The following ATP6V1B1 variants were observed in gnomAD, a reference collection of about 807,000 sequenced individuals.
ATP6V1B1 encodes the protein V-type proton ATPase subunit B, kidney isoform.
Under a neutral mutation model 62.1 loss-of-function variants are expected in ATP6V1B1, and 41 were observed. That is an observed-to-expected ratio of 0.66 (90% CI 0.51 to 0.86). ATP6V1B1 has a LOEUF of 0.86. Among genes scored for constraint, ATP6V1B1 ranks in the 40% least tolerant of loss-of-function variants. The pLI is 0.00. For missense variants in ATP6V1B1, 651 were observed against 697.5 expected (o/e 0.93, Z 0.75); for synonymous variants, 253 against 273.4 (o/e 0.93, Z 0.74).
intron 8 of ATP6V1B1, chr2:70,961,953 A>C: frequency 1.8e-6 from 1 of 545,284 alleles, no homozygotes; most frequent in Non-Finnish European, 3.3e-6. Context: ...CCACCATTCC[A>C]ACTCAGGGCT....
At chr2:70,945,913 T>C (rs1553417270) in intron 2 of ATP6V1B1, among the ~76,000 whole-genome samples, 1 of 151,476 alleles carries the variant, frequency 6.6e-6, no homozygotes, top group Non-Finnish European at 1.5e-5. Context: ...CCTGGATGCC[T>C]CTCCCTCTTC....
chr2:70,945,697 A>AAGAG (rs1230050317), intron 2 of ATP6V1B1, among the ~76,000 whole-genome samples: 42 of 38,312 alleles, frequency 1.1e-3, no homozygotes, highest in African/African-American at 3.8e-3. Flanking sequence ...TGGCTATTTG[A>AAGAG]AGAGATATAT....
intron 4 of ATP6V1B1, 101 bp downstream of exon 4, chr2:70,958,527 A>T (rs1553419489): frequency 8.8e-7 from 1 of 1,136,794 alleles, no homozygotes; most frequent in African/African-American, 1.5e-5. Flanking sequence ...CTTCCTGTTT[A>T]CTTCCTGCCT....
At chr2:70,946,893 A>G (rs1191653125) in intron 2 of ATP6V1B1, among the ~76,000 whole-genome samples, 1 of 152,178 alleles carries the variant, frequency 6.6e-6, no homozygotes, top group Admixed American at 6.5e-5. Flanking sequence ...TGGTTTTGCG[A>G]CTATCGGATG....
intron 2 of ATP6V1B1, among the ~76,000 whole-genome samples, chr2:70,944,918 C>G (rs1299622747): frequency 6.6e-6 from 1 of 152,138 alleles, no homozygotes; most frequent in African/African-American, 2.4e-5. Flanking sequence ...CCGCCCGCCT[C>G]GGCCTCCCAA....
rs963949766 is a variant in ATP6V1B1, at chr2:70,958,125, G to A, written c.254G>A (p.Gly85Asp). 1 of 1,614,120 alleles carries A rather than the reference G, an allele frequency of 6.2e-7. No homozygotes were observed. Among genetic ancestry groups the A allele is most frequent in the Admixed American group, 1.7e-5 (1 of 60,022 alleles). Residue 85 changes from glycine (G) to aspartate (D), a missense_variant, in exon 3 of 14, where the codon GGC (glycine) becomes GAC (aspartate). Gly to Asp is a moderately conservative substitution (Grantham distance 94). Transcript: ENST00000234396. ...AGCGGGCAGGTGCTTGAGGTGGCTG[G>A]CACCAAGGCGATTGTTCAGGTGAGT... Reference protein sequence around the residue: ...QRSGQVLEVAGTKAIVQVFEG... With the variant: ...QRSGQVLEVADTKAIVQVFEG...
At chr2:70,957,249 C>G (rs1680460006) in intron 2 of ATP6V1B1, among the ~76,000 whole-genome samples, 1 of 36,854 alleles carries the variant, frequency 2.7e-5, no homozygotes, top group Admixed American at 4.3e-4. Flanking sequence ...CCACACCTGG[C>G]AATATATATA....
intron 2 of ATP6V1B1, among the ~76,000 whole-genome samples, chr2:70,950,728 T>A (rs1213841544): frequency 6.6e-6 from 1 of 152,160 alleles, no homozygotes; most frequent in Non-Finnish European, 1.5e-5. Context: ...TATAATATAA[T>A]CTGCAAATAA....
At chr2:70,941,780 C>G in intron 1 of ATP6V1B1, 3 of 985,710 alleles carry the variant, frequency 3.0e-6, no homozygotes, top group Non-Finnish European at 3.6e-6. Context: ...CCAGGCCAAA[C>G]CTCGAAGTCC....
At chr2:70,941,649 C>T in intron 1 of ATP6V1B1, 2 of 907,218 alleles carry the variant, frequency 2.2e-6, no homozygotes, top group South Asian at 5.0e-5. Context: ...TCATTTGTCA[C>T]TTTCATTTGC....
At chr2:70,962,214 A>G (rs1680602981) in intron 8 of ATP6V1B1, among the ~76,000 whole-genome samples, 1 of 152,138 alleles carries the variant, frequency 6.6e-6, no homozygotes, top group Admixed American at 6.5e-5. Flanking sequence ...GAGGTACGGT[A>G]TTCAGGAGCA....
At chr2:70,961,782 C>T in intron 8 of ATP6V1B1, 89 bp downstream of exon 8, 1 of 1,258,040 alleles carries the variant, frequency 7.9e-7, no homozygotes, top group South Asian at 1.2e-5. Flanking sequence ...CAGGGCATCC[C>T]AGAACTACAG....
At chr2:70,944,672 T>TC (rs1306289544) in intron 2 of ATP6V1B1, among the ~76,000 whole-genome samples, 2 of 147,978 alleles carry the variant, frequency 1.4e-5, no homozygotes, top group South Asian at 2.2e-4. Flanking sequence ...TCTTTTCTTT[T>TC]TTTTTTTTTT....
intron 2 of ATP6V1B1, among the ~76,000 whole-genome samples, chr2:70,952,412 G>A (rs1400101963): frequency 3.3e-5 from 5 of 151,108 alleles, no homozygotes; most frequent in Non-Finnish European, 1.5e-5. Flanking sequence ...GCAGTGAGCC[G>A]AGATCTCGCC....
intron 2 of ATP6V1B1, among the ~76,000 whole-genome samples, chr2:70,945,721 T>TATATAC (rs1680150379): frequency 7.4e-6 from 1 of 134,450 alleles, no homozygotes; most frequent in African/African-American, 2.8e-5. Flanking sequence ...TATATATATA[T>TATATAC]ATATATATAT....
chr2:70,964,870 GGCGCGTC>G lies in ATP6V1B1; in HGVS notation c.1378+8_1378+14del. On this transcript the variant is annotated splice_donor_region_variant and intron_variant, in intron 13 of 13. Transcript: ENST00000234396. ...AGAAGAACTTCATCAATCAGGGTAA[GGCGCGTC>G]GCTGGTGTGGAGCCAGTAACCTCTT... The G allele has an allele frequency of 6.2e-7, 1 of 1,614,076 alleles. No individual in the cohort carries two copies. The highest frequency in any genetic ancestry group is 8.5e-7 in the Non-Finnish European group (1 of 1,180,026).
At chr2:70,938,031 T>C (rs1679900331) in intron 1 of ATP6V1B1, among the ~76,000 whole-genome samples, 1 of 152,060 alleles carries the variant, frequency 6.6e-6, no homozygotes, top group African/African-American at 2.4e-5. Context: ...AGAGCAAAGG[T>C]CAGTGCAGGG....
chr2:70,963,081 G>A lies in ATP6V1B1; in HGVS notation c.910-81G>A, dbSNP rs1680629141. On this transcript the variant is annotated intron_variant, in intron 9 of 13. Coordinates refer to ENST00000234396, the MANE Select transcript of ATP6V1B1 (RefSeq NM_001692.4). This position sits in a 1 kb window ranked among gnomAD's most constrained non-coding sequence, Gnocchi z 4.3. ...CCTGCCCCCCACTCCATTTCTCACA[G>A]GGTCACTGAACCTCCCACCCACCCT... The A allele has an allele frequency of 1.2e-6, 2 of 1,606,808 alleles. No homozygotes were observed. Among genetic ancestry groups the A allele is most frequent in the African/African-American group, 1.3e-5 (1 of 74,812 alleles).
In ATP6V1B1 at chr2:70,965,100, C is replaced by T. The variant is rs2104834984; in HGVS notation, c.1521C>T (p.Leu507=). 6.2e-7 allele frequency: 1 copy of T among 1,611,760 alleles called. No homozygotes were observed. The change falls in exon 14 of 14, where the codon CTC becomes CTT. Residue 507 remains leucine (L), a synonymous_variant. Transcript: ENST00000234396. ...FYSREGALQD[L]APDTAL ...CCCGCGAGGGGGCGCTGCAGGACCTCGCGCCTGACACTGCGCTCTAGCCCC... is the reference window on the plus strand; with the variant it reads ...CCCGCGAGGGGGCGCTGCAGGACCTTGCGCCTGACACTGCGCTCTAGCCCC...
Sources: gnomAD v4.1 joint callset for allele counts (sites outside exome capture counted in the v4.1 genomes callset) on GRCh38, gnomAD v4.1.1 for gene constraint, Gnocchi (gnomAD v3.1) non-coding constraint, MANE v1.5 for transcripts, NCBI Gene and HGNC (gene_info 2026-07-23, HGNC 2026-07-21) for gene names.